SYNPR: variants seen among roughly 807,000 people sequenced by gnomAD.
SYNPR encodes synaptoporin.
In SYNPR, 23 loss-of-function variants were observed where a neutral mutation model predicts 32.9. That is an observed-to-expected ratio of 0.70 (90% confidence interval 0.50 to 0.99). The LOEUF (loss-of-function observed/expected upper bound fraction) is 0.99. SYNPR is among the 50% of genes least tolerant of loss of function. The pLI is 0.00. For missense variants in SYNPR, 318 were observed against 349.3 expected (o/e 0.91, Z 0.71); for synonymous variants, 146 against 135.9 (o/e 1.07, Z -0.52).
At chr3:63,553,785 G>A (rs1236926041) in intron 3 of SYNPR, among the ~76,000 whole-genome samples, 11 of 152,130 alleles carry the variant, frequency 7.2e-5, no homozygotes, top group Non-Finnish European at 1.2e-4. Flanking sequence ...GCAATGGCGC[G>A]ATCTCGGCTC....
At chr3:63,323,226 TA>T (rs775906972) in intron 2 of SYNPR, among the ~76,000 whole-genome samples, 33 of 152,176 alleles carry the variant, frequency 2.2e-4, no homozygotes, top group Non-Finnish European at 4.0e-4. Context: ...CATAAGGGCA[TA>T]ATACTCAAAA....
intron 2 of SYNPR, among the ~76,000 whole-genome samples, chr3:63,348,064 G>T (rs994375517): frequency 6.6e-6 from 1 of 152,114 alleles, no homozygotes; most frequent in Non-Finnish European, 1.5e-5. Context: ...TCAATTGCTG[G>T]ATTGAATGGT....
chr3:63,444,953 G>GAA lies in SYNPR; in HGVS notation c.85-35872_85-35871dup, dbSNP rs34476623. 2.8e-3 allele frequency among the ~76,000 whole-genome samples: 404 copies of GAA among 143,900 alleles called. 1 individual carries two copies. Among genetic ancestry groups the GAA allele is most frequent in the Non-Finnish European group, 4.2e-3 (278 of 66,136 alleles). The allele number at this position is 143,900 out of a possible 152,430, so 94.4% of individuals were successfully genotyped here. A position where few individuals can be genotyped will look rare whatever the true frequency, so the allele number is the denominator to read the frequency against. On this transcript the variant is annotated intron_variant, in intron 2 of 5. Transcript: ENST00000478300. The stretch of plus-strand genomic sequence containing the variant: ...GTGTATCTTAGCAGATAATTTGTTG[G>GAA]AAAAAAAACAAAACAAAACACAAAC...
intron 4 of SYNPR, among the ~76,000 whole-genome samples, chr3:63,564,329 T>C (rs986574942): frequency 4.0e-5 from 6 of 151,798 alleles, no homozygotes; most frequent in Non-Finnish European, 8.8e-5. Flanking sequence ...CCCCAGTAGC[T>C]GAGATTACAG....
the SYNPR span, among the ~76,000 whole-genome samples, chr3:63,209,096 T>C: frequency 1.1e-4 from 16 of 152,234 alleles, no homozygotes; most frequent in African/African-American, 3.4e-4. Context: ...TCTGGAAATA[T>C]AGGCATCCTT....
At chr3:63,345,762 A>G (rs1380031871) in intron 2 of SYNPR, among the ~76,000 whole-genome samples, 1 of 152,200 alleles carries the variant, frequency 6.6e-6, no homozygotes, top group East Asian at 1.9e-4. Context: ...TTAAAGATGC[A>G]TACCCTAAAA....
rs11713328 is a variant in SYNPR, at chr3:63,415,085, A to C, written c.85-65747A>C. Among the ~76,000 whole-genome samples, 1,361 of 152,370 alleles carry C rather than the reference A, an allele frequency of 8.9e-3. 7 individuals carry two copies. Among genetic ancestry groups the C allele is most frequent in the Middle Eastern group, 0.014 (4 of 294 alleles). ...CTTAAAATTGAATGAGTTATAACAA[A>C]AAAATCATACATGCTGAAAATATAT... is the stretch of plus-strand genomic sequence containing the variant. On this transcript the variant is annotated intron_variant, in intron 2 of 5. Coordinates refer to ENST00000478300, the MANE Select transcript of SYNPR (RefSeq NM_001130003.2).
chr3:63,245,739 G>GTA (rs1217338677), intron 1 of SYNPR, among the ~76,000 whole-genome samples: 1 of 86,864 alleles, frequency 1.2e-5, no homozygotes, highest in Non-Finnish European at 2.7e-5. Flanking sequence ...GTGTGTGTGT[G>GTA]TATGTGTGTG....
chr3:63,530,461 T>C (rs11928656), intron 3 of SYNPR, among the ~76,000 whole-genome samples: 297 of 152,310 alleles, frequency 1.9e-3, no homozygotes, highest in African/African-American at 6.9e-3. Context: ...TATTGAGGAA[T>C]AATAATACCA....
intron 2 of SYNPR, among the ~76,000 whole-genome samples, chr3:63,379,534 T>C (rs139938239): frequency 7.2e-5 from 11 of 152,282 alleles, no homozygotes; most frequent in African/African-American, 2.6e-4. Context: ...AGAACTGCTA[T>C]GTCTTCTTGG....
intron 3 of SYNPR, among the ~76,000 whole-genome samples, chr3:63,535,486 T>C (rs554298431): frequency 5.3e-5 from 8 of 152,274 alleles, no homozygotes; most frequent in African/African-American, 1.9e-4. Flanking sequence ...CTATTTGCTC[T>C]GGAACACCTT....
At chr3:63,209,709 G>T in the SYNPR span, among the ~76,000 whole-genome samples, 3 of 152,080 alleles carry the variant, frequency 2.0e-5, no homozygotes, top group African/African-American at 4.8e-5. Flanking sequence ...TCACATATGG[G>T]TTCAAGCATA....
At chr3:63,260,408 A>G (rs1444402269) in intron 2 of SYNPR, among the ~76,000 whole-genome samples, 1 of 152,228 alleles carries the variant, frequency 6.6e-6, no homozygotes, top group Non-Finnish European at 1.5e-5. Context: ...GCCCCCAGAA[A>G]TAACGCCACA....
chr3:63,558,590 G>T (rs540343861), intron 4 of SYNPR, among the ~76,000 whole-genome samples: 1 of 152,024 alleles, frequency 6.6e-6, no homozygotes, highest in South Asian at 2.1e-4. Flanking sequence ...CTCCCGCCTC[G>T]GCCTCCCAAA....
intron 4 of SYNPR, among the ~76,000 whole-genome samples, chr3:63,583,323 A>G (rs1172526305): frequency 1.3e-5 from 2 of 152,086 alleles, no homozygotes; most frequent in Admixed American, 6.6e-5. Context: ...ATGTGGACAT[A>G]TATGTGCAGG....
chr3:63,259,648 C>G (rs1304511836), intron 2 of SYNPR, among the ~76,000 whole-genome samples: 1 of 152,200 alleles, frequency 6.6e-6, no homozygotes, highest in African/African-American at 2.4e-5. Context: ...GAAGAATTCC[C>G]TTTGAAAACT....
At chr3:63,309,791 T>C (rs898664241) in intron 2 of SYNPR, among the ~76,000 whole-genome samples, 1 of 152,022 alleles carries the variant, frequency 6.6e-6, no homozygotes, top group Admixed American at 6.6e-5. Context: ...TCTACACTGC[T>C]TACTCCAGAG....
At chr3:63,371,211 G>A (rs1475628305) in intron 2 of SYNPR, among the ~76,000 whole-genome samples, 5 of 151,896 alleles carry the variant, frequency 3.3e-5, no homozygotes, top group African/African-American at 1.2e-4. Context: ...GCAACCCTGG[G>A]CTCAGGAGAT....
intron 3 of SYNPR, among the ~76,000 whole-genome samples, chr3:63,554,961 T>A (rs1281661221): frequency 6.6e-6 from 1 of 152,118 alleles, no homozygotes; most frequent in Non-Finnish European, 1.5e-5. Context: ...AGGTATTTTA[T>A]TTTCTTTGTG....
Sources: allele counts gnomAD v4.1 joint callset (sites outside exome capture counted in the v4.1 genomes callset), GRCh38; gene constraint gnomAD v4.1.1; transcripts MANE v1.5; gene names NCBI Gene and HGNC (gene_info 2026-07-23, HGNC 2026-07-21).